Variants in EPHB2 observed in about 807,000 individuals in gnomAD.
The protein encoded by EPHB2 is ephrin type-B receptor 2.
A neutral mutation model predicts 96.4 loss-of-function variants in EPHB2; 18 were observed. The observed-to-expected ratio is 0.19, with a 90% CI of 0.13 to 0.28. The LOEUF (loss-of-function observed/expected upper bound fraction) is 0.28, where lower values mean the gene tolerates loss of function less well. Among genes scored for constraint, EPHB2 ranks in the 10% least tolerant of loss-of-function variants. The pLI is 1.00. For synonymous variants in EPHB2, 506 were observed against 534.1 expected (o/e 0.95, Z 0.72); for missense variants, 989 against 1,355.4 (o/e 0.73, Z 4.25).
chr1:22,787,459 C>A (rs1570276476), intron 3 of EPHB2, among the ~76,000 whole-genome samples: 1 of 152,276 alleles, frequency 6.6e-6, no homozygotes, highest in South Asian at 2.1e-4. Flanking sequence ...GCATAAAAAA[C>A]AACCAACAGA....
chr1:22,817,223 A>G (rs982771941), intron 3 of EPHB2, among the ~76,000 whole-genome samples: 5 of 152,236 alleles, frequency 3.3e-5, no homozygotes, highest in Non-Finnish European at 7.3e-5. Context: ...TGGCATTATC[A>G]TCATCATCCC....
chr1:22,763,384 C>T (rs556994057), intron 1 of EPHB2, among the ~76,000 whole-genome samples: 58 of 152,268 alleles, frequency 3.8e-4, no homozygotes, highest in African/African-American at 1.3e-3. Context: ...CCCATCCCTC[C>T]AGGACAGAAA....
chr1:22,904,014 G>A (rs952760219), intron 9 of EPHB2, among the ~76,000 whole-genome samples: 9 of 152,308 alleles, frequency 5.9e-5, no homozygotes, highest in African/African-American at 7.2e-5. Context: ...CAGGCCAGGC[G>A]CGGTGGCTCA....
intron 3 of EPHB2, among the ~76,000 whole-genome samples, chr1:22,859,831 G>T (rs1645765180): frequency 6.6e-6 from 1 of 152,156 alleles, no homozygotes; most frequent in South Asian, 2.1e-4. Flanking sequence ...GTGGTTTCTA[G>T]TGTATTCACA....
chr1:22,884,253 C>G (rs537904552), intron 6 of EPHB2, among the ~76,000 whole-genome samples: 2 of 152,314 alleles, frequency 1.3e-5, no homozygotes, highest in East Asian at 3.9e-4. Flanking sequence ...CGCCTGTAAT[C>G]CCAGCACTTT....
rs146425892 is a variant in EPHB2 at position 22,913,379 on chromosome 1, C to T, written c.2853-83C>T. The T allele has an allele frequency of 3.1e-3, 4,742 of 1,552,344 alleles. 11 individuals are homozygous for T. The highest frequency in any genetic ancestry group is 8.1e-3 in the East Asian group (347 of 42,644). The stretch of plus-strand genomic sequence containing the variant: ...ACTCCTTGCTTTGCCATCTTCCTCC[C>T]GGGGAAGCCCAGGCAGCTCTCTACC... On this transcript the variant is annotated intron_variant, in intron 15 of 15. Coordinates refer to ENST00000374630, the MANE Select transcript of EPHB2 (RefSeq NM_017449.5). The surrounding 1 kb of genome is among the most constrained non-coding windows in gnomAD (Gnocchi z 4.1).
At chr1:22,905,064 AC>A (rs1303156193) in intron 9 of EPHB2, among the ~76,000 whole-genome samples, 2 of 152,276 alleles carry the variant, frequency 1.3e-5, no homozygotes, top group African/African-American at 4.8e-5. Context: ...ATGTTGGAAG[AC>A]CAGCTGCCTA....
rs1640183096 is a variant in EPHB2 at position 22,913,644 on chromosome 1, T to C, written c.*74T>C. On this transcript the variant is annotated 3_prime_UTR_variant, in exon 16 of 16. Transcript: ENST00000374630. The surrounding 1 kb of genome is among the most constrained non-coding windows in gnomAD (Gnocchi z 4.1). ...CCCCACGTGCCGGCCCTCCTGGTGC[T>C]CTATCCACTGCAGGGCCAGCCACTC... The C allele has an allele frequency of 6.2e-7, 1 of 1,602,584 alleles. No individual in the cohort carries two copies. Among genetic ancestry groups the C allele is most frequent in the African/African-American group, 1.3e-5 (1 of 74,522 alleles).
Position 22,875,401 on chromosome 1 carries a change from G to A in EPHB2, c.1304-6958G>A, listed in dbSNP as rs1475203129. On this transcript the variant is annotated intron_variant, in intron 5 of 15. Transcript: ENST00000374630. The surrounding 1 kb of genome is among the most constrained non-coding windows in gnomAD (Gnocchi z 4.2). ...GTCATGGAACTGTTAGCTAGCTGGT[G>A]GCAAGAGGCCCCACGTCACTGCAGC... is the stretch of plus-strand genomic sequence containing the variant. Among the ~76,000 whole-genome samples, 1 of 152,216 alleles carries A rather than the reference G, an allele frequency of 6.6e-6. No individual in the cohort carries two copies. The highest frequency in any genetic ancestry group is 2.4e-5 in the African/African-American group (1 of 41,458).
intron 5 of EPHB2, among the ~76,000 whole-genome samples, chr1:22,869,661 A>G (rs1385046204): frequency 6.6e-6 from 1 of 152,078 alleles, no homozygotes; most frequent in African/African-American, 2.4e-5. Context: ...TGTTCCTCCT[A>G]AGTATCAGGT....
In EPHB2 at chr1:22,784,309, A is replaced by T; in HGVS notation, c.127-83A>T. 1 of 1,367,462 alleles carries T rather than the reference A, an allele frequency of 7.3e-7. No individual in the cohort carries two copies. The highest frequency in any genetic ancestry group is 1.0e-6 in the Non-Finnish European group (1 of 964,152). The allele number at this position is 1,367,462 out of a possible 1,614,324, so 84.7% of individuals were successfully genotyped here. A position where few individuals can be genotyped will look rare whatever the true frequency, so the allele number is the denominator to read the frequency against. The stretch of plus-strand genomic sequence containing the variant: ...ATTAGACTGGAGGGTTCCCTAAGGC[A>T]GAGTCTGTGTCTTCCACCTTAGACT... On this transcript the variant is annotated intron_variant, in intron 2 of 15. Transcript: ENST00000374630. This position sits in a 1 kb window ranked among gnomAD's most constrained non-coding sequence, Gnocchi z 5.1.
intron 7 of EPHB2, among the ~76,000 whole-genome samples, chr1:22,894,418 T>C (rs1286600576): frequency 6.6e-6 from 1 of 151,896 alleles, no homozygotes; most frequent in African/African-American, 2.4e-5. Flanking sequence ...GCCAACATGG[T>C]GAAACCTCAT....
intron 1 of EPHB2, among the ~76,000 whole-genome samples, chr1:22,734,153 G>T (rs1384788210): frequency 6.6e-6 from 1 of 152,208 alleles, no homozygotes; most frequent in African/African-American, 2.4e-5. Context: ...CTGTGAGGGG[G>T]CTTTGGAGCA....
At chr1:22,810,302 G>T (rs1283866431) in intron 3 of EPHB2, among the ~76,000 whole-genome samples, 1 of 152,120 alleles carries the variant, frequency 6.6e-6, no homozygotes, top group African/African-American at 2.4e-5. Context: ...CTCGGCCAGG[G>T]GTCCCCCAGC....
chr1:22,859,293 C>A (rs1291470253), intron 3 of EPHB2, among the ~76,000 whole-genome samples: 1 of 47,476 alleles, frequency 2.1e-5, no homozygotes, highest in Non-Finnish European at 3.8e-5. Flanking sequence ...TGGGGTGGGC[C>A]TGGTGGGGGG....
chr1:22,892,766 G>T (rs1639429060), intron 6 of EPHB2, 118 bp from the exon 7 acceptor site: 1 of 1,282,916 alleles, frequency 7.8e-7, no homozygotes, highest in Non-Finnish European at 1.1e-6. Flanking sequence ...GAAGAATTGG[G>T]AACCATAGAT....
At chr1:22,727,099 A>G (rs889482871) in intron 1 of EPHB2, among the ~76,000 whole-genome samples, 1 of 152,240 alleles carries the variant, frequency 6.6e-6, no homozygotes. Flanking sequence ...GTAGGAAGCC[A>G]CTGAAAGAAA....
intron 1 of EPHB2, among the ~76,000 whole-genome samples, chr1:22,757,310 C>T (rs1462673311): frequency 6.6e-6 from 1 of 151,846 alleles, no homozygotes; most frequent in Non-Finnish European, 1.5e-5. Context: ...ATAAGGCAGG[C>T]ACAGACAGGT....
chr1:22,751,226 A>C (rs6695066), intron 1 of EPHB2, among the ~76,000 whole-genome samples: 1 of 152,188 alleles, frequency 6.6e-6, no homozygotes. Context: ...CAGAGGTCAC[A>C]CAGCGAGTGA....
Sources: gnomAD v4.1 joint callset for allele counts (sites outside exome capture counted in the v4.1 genomes callset) on GRCh38, gnomAD v4.1.1 for gene constraint, Gnocchi (gnomAD v3.1) non-coding constraint, MANE v1.5 for transcripts, NCBI Gene and HGNC (gene_info 2026-07-23, HGNC 2026-07-21) for gene names.